The following BRWD3 variants were observed in gnomAD, a reference collection of about 807,000 sequenced individuals.
The protein encoded by BRWD3 is bromodomain and WD repeat domain containing 3, also known as bromodomain and WD repeat-containing protein 3.
BRWD3 carries 10 observed loss-of-function variants against 149.7 expected under a neutral mutation model. The ratio of observed to expected loss-of-function variants is 0.07; its 90% CI spans 0.04 to 0.11. The LOEUF (loss-of-function observed/expected upper bound fraction) is 0.11, where lower values mean the gene tolerates loss of function less well. Ranked by LOEUF, BRWD3 falls within the 10% of genes least tolerant of loss-of-function variation. The pLI is 1.00. For synonymous variants in BRWD3, 504 were observed against 456.7 expected, an observed-to-expected ratio of 1.10 and a Z score of -1.32; for missense variants, 940 against 1,373.2, an observed-to-expected ratio of 0.68 and a Z score of 4.99.
At chrX:80,772,869 A>C (rs2147830437) in intron 6 of BRWD3, among the ~76,000 whole-genome samples, 1 of 112,314 alleles carries the variant, frequency 8.9e-6, no homozygotes, top group Admixed American at 9.4e-5. Flanking sequence ...ATGACCAAAC[A>C]AACTGTGGGA....
At chrX:80,782,207 T>C (rs2147842273) in intron 6 of BRWD3, among the ~76,000 whole-genome samples, 1 of 111,611 alleles carries the variant, frequency 9.0e-6, no homozygotes, top group South Asian at 3.8e-4. Flanking sequence ...AATCCATATG[T>C]CTTAAGTGAA....
chrX:80,758,199 C>T (rs1325800925), intron 6 of BRWD3, among the ~76,000 whole-genome samples: 1 of 109,440 alleles, frequency 9.1e-6, no homozygotes, highest in Non-Finnish European at 1.9e-5. Context: ...AACTCCATCT[C>T]AAAAAAAATA....
chrX:80,791,991 GTTTT>G, intron 5 of BRWD3, 39 bp from the exon 6 acceptor site: 1 of 801,768 alleles, frequency 1.2e-6, no homozygotes, highest in Non-Finnish European at 1.8e-6. Flanking sequence ...GAATAGAGCA[GTTTT>G]TTTTTTAACC....
chrX:80,716,731 T>C lies in BRWD3; in HGVS notation c.2232-481A>G, dbSNP rs2073078275. On this transcript the variant is annotated intron_variant, in intron 19 of 40. Coordinates refer to ENST00000373275, the MANE Select transcript of BRWD3 (RefSeq NM_153252.5). ...TATCTATTCATCTGTTGGTGGACAATTGAGTTGTTTCCACCATTTGGTTAT... is the reference window on the plus strand; with the variant it reads ...TATCTATTCATCTGTTGGTGGACAACTGAGTTGTTTCCACCATTTGGTTAT... 4.5e-5 allele frequency among the ~76,000 whole-genome samples: 5 copies of C among 112,207 alleles called. No individual in the cohort carries two copies. In the South Asian group the frequency reaches 1.8e-3, roughly 41 times the overall value.
intron 8 of BRWD3, among the ~76,000 whole-genome samples, chrX:80,737,790 G>A (rs763494121): frequency 1.1e-4 from 12 of 112,619 alleles, no homozygotes; most frequent in South Asian, 3.6e-4. Flanking sequence ...AGCTGAGACC[G>A]TACCACCGCA....
At chrX:80,803,975 T>G (rs3132160) in intron 4 of BRWD3, among the ~76,000 whole-genome samples, 51,811 of 111,523 alleles carry the variant, frequency 0.46, 11,604 homozygotes, top group Non-Finnish European at 0.69. Context: ...TAAACTTGAA[T>G]GTGTTATATG....
chrX:80,751,981 C>CATTATTATTATT (rs199879142), intron 6 of BRWD3, among the ~76,000 whole-genome samples: 80 of 87,739 alleles, frequency 9.1e-4, no homozygotes, highest in African/African-American at 3.0e-3. Context: ...ATTCATATTT[C>CATTATTATTATT]ATTATTATTA....
chrX:80,739,018 T>C (rs1164969639), intron 8 of BRWD3, among the ~76,000 whole-genome samples: 1 of 111,801 alleles, frequency 8.9e-6, no homozygotes, highest in Admixed American at 9.5e-5. Flanking sequence ...TAAAATAACT[T>C]TGTCTGTTAA....
chrX:80,744,665 T>C (rs2073565852), intron 7 of BRWD3, among the ~76,000 whole-genome samples: 2 of 112,299 alleles, frequency 1.8e-5, no homozygotes, highest in African/African-American at 6.5e-5. Flanking sequence ...TCAGTAAACA[T>C]GAGGCTACCC....
intron 40 of BRWD3, among the ~76,000 whole-genome samples, chrX:80,680,031 C>G (rs975580376): frequency 8.9e-6 from 1 of 111,752 alleles, no homozygotes; most frequent in Admixed American, 9.5e-5. Context: ...TCTTACATAG[C>G]CACTATAAAA....
Position 80,784,325 on chromosome X carries a change from T to C in BRWD3, c.430+7529A>G, listed in dbSNP as rs372652251. 8.9e-5 allele frequency among the ~76,000 whole-genome samples: 10 copies of C among 112,223 alleles called. No individual in the cohort carries two copies. The East Asian group carries it at 1.7e-3, about 19-fold the overall frequency. The stretch of plus-strand genomic sequence containing the variant: ...AGATTATGATAATTAGGAAAATTCC[T>C]AAAATTGTTACCATGATGGATAGTA... On this transcript the variant is annotated intron_variant, in intron 6 of 40. Coordinates refer to ENST00000373275, the MANE Select transcript of BRWD3 (RefSeq NM_153252.5).
intron 6 of BRWD3, among the ~76,000 whole-genome samples, chrX:80,756,490 G>A (rs1174970885): frequency 4.1e-5 from 2 of 48,517 alleles, no homozygotes; most frequent in South Asian, 2.0e-3. Flanking sequence ...CAACAAGAGC[G>A]AAACTCTGTC....
rs2072346222 is a variant in BRWD3 at position 80,674,380 on chromosome X, A to G, written c.*2229T>C. The G allele has an allele frequency of 9.0e-6, 1 of 111,689 alleles. No individual in the cohort carries two copies. Among genetic ancestry groups the G allele is most frequent in the African/African-American group, 3.2e-5 (1 of 30,835 alleles). The allele number at this position is 111,689 out of a possible 1,213,427, so 9.2% of individuals were successfully genotyped here. Reference sequence around the variant, plus strand: ...ATCACACAAATGTCAATTCTTCTACATTTCAAGAGGTCAGCTCTTCATAGA... The same window carrying G: ...ATCACACAAATGTCAATTCTTCTACGTTTCAAGAGGTCAGCTCTTCATAGA... On this transcript the variant is annotated 3_prime_UTR_variant, in exon 41 of 41. Coordinates refer to ENST00000373275, the MANE Select transcript of BRWD3 (RefSeq NM_153252.5).
chrX:80,733,383 G>A (rs925906343), intron 12 of BRWD3, 73 bp downstream of exon 12: 8 of 823,354 alleles, frequency 9.7e-6, no homozygotes, highest in Non-Finnish European at 1.4e-5. Context: ...TATCATAGAA[G>A]TAGCTGCATC....
At chrX:80,752,292 A>G (rs958038760) in intron 6 of BRWD3, among the ~76,000 whole-genome samples, 7 of 111,079 alleles carry the variant, frequency 6.3e-5, no homozygotes, top group African/African-American at 2.3e-4. Context: ...TTCTTTATCC[A>G]TTCATCCACT....
At chrX:80,697,387 T>G (rs983939274) in intron 25 of BRWD3, among the ~76,000 whole-genome samples, 1 of 111,067 alleles carries the variant, frequency 9.0e-6, no homozygotes, top group African/African-American at 3.3e-5. Context: ...TATTGCATAA[T>G]GGTGGGGTTT....
intron 6 of BRWD3, among the ~76,000 whole-genome samples, chrX:80,761,915 T>C: frequency 9.0e-6 from 1 of 111,663 alleles, no homozygotes. Flanking sequence ...AGCATTTGAC[T>C]CAACCACATG....
intron 40 of BRWD3, among the ~76,000 whole-genome samples, chrX:80,679,737 C>T (rs866365277): frequency 9.8e-6 from 1 of 102,061 alleles, no homozygotes; most frequent in East Asian, 3.2e-4. Flanking sequence ...GAGATTGAAA[C>T]TAAAAAAAGA....
At position 80,682,118 on chromosome X, in the gene BRWD3, C is replaced by T. The variant is rs59483641; in HGVS notation, c.4398-24G>A. ...GACTAGAAGTAAAAATATGTAACAA[C>T]GAGCATTTTTTTTTTTCTGTTAGCA... On this transcript the variant is annotated intron_variant, in intron 38 of 40. Coordinates refer to ENST00000373275, the MANE Select transcript of BRWD3 (RefSeq NM_153252.5). The T allele has an allele frequency of 0.015, 17,237 of 1,139,819 alleles. 697 individuals carry two copies. In the East Asian group the frequency reaches 0.16, roughly 11 times the overall value. The allele number at this position is 1,139,819 out of a possible 1,213,427, so 93.9% of individuals were successfully genotyped here.
Sources: gnomAD v4.1 joint callset for allele counts (sites outside exome capture counted in the v4.1 genomes callset) on GRCh38, gnomAD v4.1.1 for gene constraint, MANE v1.5 for transcripts, NCBI Gene and HGNC (gene_info 2026-07-23, HGNC 2026-07-21) for gene names.